The following LRRC4C variants were observed in gnomAD, a reference collection of about 807,000 sequenced individuals.
LRRC4C encodes the protein leucine rich repeat containing 4C, also known as leucine-rich repeat-containing protein 4C.
LRRC4C carries 5 observed loss-of-function variants against 33.6 expected under a neutral mutation model. That is an observed-to-expected ratio of 0.15 (90% CI 0.08 to 0.31). LRRC4C has a LOEUF of 0.31. LRRC4C is among the 10% of genes least tolerant of loss of function. The pLI is 1.00. For synonymous variants in LRRC4C, 329 were observed against 302.0 expected (o/e 1.09, Z -0.93); for missense variants, 560 against 796.7 (o/e 0.70, Z 3.58).
intron 1 of LRRC4C, among the ~76,000 whole-genome samples, chr11:41,376,422 A>G (rs1952938422): frequency 1.3e-5 from 2 of 152,212 alleles, no homozygotes; most frequent in Non-Finnish European, 1.5e-5. Context: ...TCTCAGCTCT[A>G]CAAAAGTAGA....
intron 1 of LRRC4C, among the ~76,000 whole-genome samples, chr11:41,096,051 A>G (rs1400823198): frequency 6.6e-6 from 1 of 152,164 alleles, no homozygotes; most frequent in East Asian, 1.9e-4. Context: ...TAGATATAGT[A>G]TTAAGTAGTA....
In LRRC4C at chr11:40,940,931, T is replaced by G. The variant is rs950664753; in HGVS notation, c.-495-7208A>C. ...AGAGAATTCGTTACAAAATCTTTTT[T>G]TTTTTTTTTTGGACACTAGTTCTGA... On this transcript the variant is annotated intron_variant, in intron 1 of 6. Coordinates refer to ENST00000528697, the MANE Select transcript of LRRC4C (RefSeq NM_001258419.2). Among the ~76,000 whole-genome samples the G allele has an allele frequency of 1.1e-4, 17 of 151,968 alleles. No individual in the cohort carries two copies. The East Asian group carries it at 3.1e-3, about 28-fold the overall frequency.
At chr11:41,290,661 T>C (rs770950968) in intron 1 of LRRC4C, among the ~76,000 whole-genome samples, 1 of 152,156 alleles carries the variant, frequency 6.6e-6, no homozygotes, top group African/African-American at 2.4e-5. Flanking sequence ...TATATTAGCA[T>C]GCAGTATATG....
At chr11:41,194,060 G>A (rs1474681688) in intron 1 of LRRC4C, among the ~76,000 whole-genome samples, 1 of 151,754 alleles carries the variant, frequency 6.6e-6, no homozygotes, top group Admixed American at 6.6e-5. Flanking sequence ...TCATCATGAA[G>A]ACAAGGATAA....
chr11:40,481,378 C>T (rs1475390205), intron 3 of LRRC4C, among the ~76,000 whole-genome samples: 2 of 152,042 alleles, frequency 1.3e-5, no homozygotes, highest in South Asian at 4.1e-4. Context: ...TGAATATGAG[C>T]AAACATTTTG....
intron 2 of LRRC4C, among the ~76,000 whole-genome samples, chr11:40,819,874 G>A (rs1310988337): frequency 6.6e-6 from 1 of 151,902 alleles, no homozygotes; most frequent in East Asian, 1.9e-4. Flanking sequence ...TAGGAAGCTA[G>A]AGTTAAAAGT....
intron 1 of LRRC4C, among the ~76,000 whole-genome samples, chr11:41,009,632 T>C (rs1192256040): frequency 1.3e-5 from 2 of 152,120 alleles, no homozygotes; most frequent in African/African-American, 4.8e-5. Flanking sequence ...GCATGCTTAG[T>C]TTAGCTATCA....
intron 1 of LRRC4C, among the ~76,000 whole-genome samples, chr11:41,123,312 G>T (rs1308605638): frequency 8.2e-6 from 1 of 122,340 alleles, no homozygotes; most frequent in Non-Finnish European, 1.6e-5. Flanking sequence ...TCGCTCTGTC[G>T]CCCAGGCTGG....
intron 1 of LRRC4C, among the ~76,000 whole-genome samples, chr11:41,199,395 G>T (rs1051732869): frequency 7.9e-5 from 12 of 151,988 alleles, no homozygotes; most frequent in African/African-American, 2.9e-4. Flanking sequence ...AGGGAAGAAA[G>T]AAAAAACTAA....
intron 5 of LRRC4C, among the ~76,000 whole-genome samples, chr11:40,164,809 C>T (rs1357739391): frequency 6.6e-6 from 1 of 152,102 alleles, no homozygotes; most frequent in African/African-American, 2.4e-5. Context: ...ATCCTAAATA[C>T]CCTGATTTGA....
intron 3 of LRRC4C, among the ~76,000 whole-genome samples, chr11:40,498,522 T>G (rs1954585489): frequency 6.6e-6 from 1 of 152,240 alleles, no homozygotes. Flanking sequence ...TATTTAGGTT[T>G]TAGCATTAGC....
intron 5 of LRRC4C, among the ~76,000 whole-genome samples, chr11:40,186,017 C>T (rs1040014200): frequency 3.9e-5 from 6 of 152,192 alleles, no homozygotes; most frequent in Admixed American, 3.9e-4. Context: ...CAATTTACCT[C>T]TCCTTAGTAC....
chr11:40,125,102 C>G (rs1436412448), intron 6 of LRRC4C, among the ~76,000 whole-genome samples: 1 of 152,084 alleles, frequency 6.6e-6, no homozygotes, highest in Non-Finnish European at 1.5e-5. Context: ...CATGTCTAAG[C>G]AAAGATTGAT....
chr11:41,270,102 T>C (rs1949274445), intron 1 of LRRC4C, among the ~76,000 whole-genome samples: 1 of 152,106 alleles, frequency 6.6e-6, no homozygotes, highest in Non-Finnish European at 1.5e-5. Flanking sequence ...GAATTAGACT[T>C]CAGATATACA....
In LRRC4C at chr11:41,374,370, A is replaced by T. The variant is rs182471887; in HGVS notation, c.-496+85061T>A. Among the ~76,000 whole-genome samples, 383 of 152,294 alleles carry T rather than the reference A, an allele frequency of 2.5e-3. 2 individuals are homozygous for T. Among genetic ancestry groups the T allele is most frequent in the African/African-American group, 8.9e-3 (368 of 41,568 alleles). ...TTATGCATATTATTTAGAAGAGAAA[A>T]ATTAAAAAAAAACTTTTGTTCCAAG... On this transcript the variant is annotated intron_variant, in intron 1 of 6. Transcript: ENST00000528697.
At chr11:41,417,295 AAG>A (rs1954719187) in intron 1 of LRRC4C, among the ~76,000 whole-genome samples, 1 of 152,098 alleles carries the variant, frequency 6.6e-6, no homozygotes, top group East Asian at 1.9e-4. Context: ...AAAGTGACCT[AAG>A]AATCAGCCAT....
chr11:41,081,939 C>T (rs1041882931), intron 1 of LRRC4C, among the ~76,000 whole-genome samples: 1 of 152,124 alleles, frequency 6.6e-6, no homozygotes, highest in Non-Finnish European at 1.5e-5. Context: ...ACCGTACAGT[C>T]GGGGTCTCCC....
intron 3 of LRRC4C, among the ~76,000 whole-genome samples, chr11:40,437,321 C>T (rs1482414189): frequency 6.6e-6 from 1 of 152,124 alleles, no homozygotes; most frequent in African/African-American, 2.4e-5. Flanking sequence ...TCAGAGAATC[C>T]ATGGTTATCC....
intron 1 of LRRC4C, among the ~76,000 whole-genome samples, chr11:41,205,315 A>G (rs377536758): frequency 6.6e-6 from 1 of 152,156 alleles, no homozygotes; most frequent in African/African-American, 2.4e-5. Context: ...GTCAATTTAT[A>G]TTTTTCTCTG....
Sources: gnomAD v4.1 joint callset for allele counts (sites outside exome capture counted in the v4.1 genomes callset) on GRCh38, gnomAD v4.1.1 for gene constraint, MANE v1.5 for transcripts, NCBI Gene and HGNC (gene_info 2026-07-23, HGNC 2026-07-21) for gene names.